The following SIK3 variants were observed in gnomAD, a reference collection of about 807,000 sequenced individuals.
SIK3 encodes SIK family kinase 3, also known as serine/threonine-protein kinase SIK3.
Under a neutral mutation model 144.2 loss-of-function variants are expected in SIK3, and 28 were observed. The ratio of observed to expected loss-of-function variants is 0.19; its 90% CI spans 0.14 to 0.27. The LOEUF is 0.27. Among genes scored for constraint, SIK3 ranks in the 10% least tolerant of loss-of-function variants. The probability of loss-of-function intolerance (pLI) is 1.00; values close to 1 mark genes in which losing one functional copy is unlikely to be tolerated. For missense variants in SIK3, 1,319 were observed against 1,776.0 expected, an observed-to-expected ratio of 0.74 and a Z score of 4.62; for synonymous variants, 686 against 676.3, an observed-to-expected ratio of 1.01 and a Z score of -0.22.
At chr11:117,032,850 T>C (rs1195658722) in intron 1 of SIK3, among the ~76,000 whole-genome samples, 1 of 152,100 alleles carries the variant, frequency 6.6e-6, no homozygotes, top group African/African-American at 2.4e-5. Flanking sequence ...TTTCAAACAA[T>C]AGGCTATATA....
intron 1 of SIK3, among the ~76,000 whole-genome samples, chr11:116,997,385 A>C (rs1950705023): frequency 6.6e-6 from 1 of 152,240 alleles, no homozygotes; most frequent in African/African-American, 2.4e-5. Context: ...ATGTGTAGTA[A>C]TCATTCATTC....
intron 1 of SIK3, among the ~76,000 whole-genome samples, chr11:117,018,184 T>C (rs1368426378): frequency 1.3e-5 from 2 of 152,142 alleles, no homozygotes; most frequent in African/African-American, 4.8e-5. Context: ...GAAGGACCCC[T>C]GAGTACACCA....
intron 1 of SIK3, among the ~76,000 whole-genome samples, chr11:116,961,499 A>C (rs1949346595): frequency 6.6e-6 from 1 of 152,232 alleles, no homozygotes; most frequent in African/African-American, 2.4e-5. Context: ...TGTAAAGTAC[A>C]CACCAGTTGC....
At chr11:116,972,526 C>T (rs1949799524) in intron 1 of SIK3, among the ~76,000 whole-genome samples, 1 of 152,062 alleles carries the variant, frequency 6.6e-6, no homozygotes, top group Non-Finnish European at 1.5e-5. Flanking sequence ...ACCTTGTACC[C>T]AATATTTTTA....
At position 117,066,844 on chromosome 11, in the gene SIK3, T is replaced by C. The variant is rs537274492; in HGVS notation, c.273+31299A>G. On this transcript the variant is annotated intron_variant, in intron 1 of 24. Transcript: ENST00000445177. ...TGAGCCACTGTGCCCGGTCAGCCCA[T>C]TTCTTTTAATGAGCAAAAGATCTGA... is the stretch of plus-strand genomic sequence containing the variant. Among the ~76,000 whole-genome samples the C allele has an allele frequency of 4.6e-5, 7 of 152,302 alleles. No homozygotes were observed. In the South Asian group the frequency reaches 1.5e-3, roughly 32 times the overall value.
At chr11:117,096,503 C>T (rs1344715690) in intron 1 of SIK3, among the ~76,000 whole-genome samples, 3 of 152,278 alleles carry the variant, frequency 2.0e-5, no homozygotes, top group East Asian at 1.9e-4. Flanking sequence ...GCTGGGGTGG[C>T]AAGTGAGGAG....
chr11:116,855,282 T>C (rs1942814852), intron 21 of SIK3: 1 of 152,132 alleles, frequency 6.6e-6, no homozygotes. Flanking sequence ...CTCTTGCTTC[T>C]CCTCTAGATC....
At chr11:117,006,708 TGG>T (rs1951062604) in intron 1 of SIK3, among the ~76,000 whole-genome samples, 1 of 151,678 alleles carries the variant, frequency 6.6e-6, no homozygotes, top group Non-Finnish European at 1.5e-5. Flanking sequence ...AAGGAAAGCA[TGG>T]GGGTAGGAGG....
intron 1 of SIK3, among the ~76,000 whole-genome samples, chr11:117,001,875 A>C (rs1950864937): frequency 6.6e-6 from 1 of 152,208 alleles, no homozygotes; most frequent in African/African-American, 2.4e-5. Context: ...TGAATTAACA[A>C]AAGCAAACTT....
intron 5 of SIK3, among the ~76,000 whole-genome samples, chr11:116,896,705 C>T (rs922606473): frequency 6.6e-6 from 1 of 152,130 alleles, no homozygotes; most frequent in African/African-American, 2.4e-5. Context: ...GTGGCTCAGT[C>T]CACAAGGTAA....
intron 1 of SIK3, among the ~76,000 whole-genome samples, chr11:117,033,702 T>A (rs1347224153): frequency 3.8e-5 from 4 of 104,902 alleles, no homozygotes; most frequent in Admixed American, 2.5e-4. Flanking sequence ...AGAGCGAGAC[T>A]CCGTCTAAAA....
At chr11:116,903,402 C>T (rs1343020959) in intron 4 of SIK3, among the ~76,000 whole-genome samples, 1 of 152,110 alleles carries the variant, frequency 6.6e-6, no homozygotes, top group East Asian at 1.9e-4. Context: ...AGACATGGAA[C>T]AGAATCACTA....
intron 4 of SIK3, among the ~76,000 whole-genome samples, chr11:116,925,031 AG>A (rs1198896813): frequency 6.6e-6 from 1 of 152,202 alleles, no homozygotes; most frequent in Non-Finnish European, 1.5e-5. Flanking sequence ...GGTGGCTCCC[AG>A]CACTTTGGGA....
intron 18 of SIK3, 152 bp downstream of exon 18, chr11:116,861,689 G>C: frequency 1.6e-6 from 1 of 634,280 alleles, no homozygotes; most frequent in Non-Finnish European, 2.7e-6. Flanking sequence ...GGGATTTCAA[G>C]AAGGCTCCTG....
At position 116,858,774 on chromosome 11, in the gene SIK3, A is replaced by C. The variant is rs1367046023; in HGVS notation, c.2766-75T>G. 4.6e-6 allele frequency: 7 copies of C among 1,507,558 alleles called. No individual in the cohort carries two copies. Among genetic ancestry groups the C allele is most frequent in the Non-Finnish European group, 5.3e-6 (6 of 1,129,450 alleles). The allele number at this position is 1,507,558 out of a possible 1,614,324, so 93.4% of individuals were successfully genotyped here. A position where few individuals can be genotyped will look rare whatever the true frequency, so the allele number is the denominator to read the frequency against. On this transcript the variant is annotated intron_variant, in intron 20 of 24. Coordinates refer to ENST00000445177, the MANE Select transcript of SIK3 (RefSeq NM_001366686.3). The surrounding 1 kb of genome is among the most constrained non-coding windows in gnomAD (Gnocchi z 5.4). The stretch of plus-strand genomic sequence containing the variant: ...TTCCTGGGAACAGCTCCTCCTCCTC[A>C]GTAGGGAGAACCCACTGGTACAGAG...
At chr11:116,924,703 C>A (rs1470773969) in intron 4 of SIK3, among the ~76,000 whole-genome samples, 1 of 152,190 alleles carries the variant, frequency 6.6e-6, no homozygotes, top group Non-Finnish European at 1.5e-5. Context: ...CCCACCCCAA[C>A]TACACCCAAG....
At chr11:117,027,960 A>G (rs968893199) in intron 1 of SIK3, among the ~76,000 whole-genome samples, 1 of 152,240 alleles carries the variant, frequency 6.6e-6, no homozygotes, top group African/African-American at 2.4e-5. Context: ...ACTTCGTTCA[A>G]GACAATGCAT....
intron 1 of SIK3, among the ~76,000 whole-genome samples, chr11:117,048,144 T>C (rs1030279138): frequency 6.6e-6 from 1 of 152,226 alleles, no homozygotes; most frequent in African/African-American, 2.4e-5. Flanking sequence ...TGACCATCTA[T>C]ACTTCATCTT....
At chr11:117,090,155 AG>A (rs1274520789) in intron 1 of SIK3, among the ~76,000 whole-genome samples, 1 of 152,226 alleles carries the variant, frequency 6.6e-6, no homozygotes, top group African/African-American at 2.4e-5. Flanking sequence ...TTAGGATAAA[AG>A]CCCATTTGAA....
Sources: gnomAD v4.1 joint callset for allele counts (sites outside exome capture counted in the v4.1 genomes callset) on GRCh38, gnomAD v4.1.1 for gene constraint, Gnocchi (gnomAD v3.1) non-coding constraint, MANE v1.5 for transcripts, NCBI Gene and HGNC (gene_info 2026-07-23, HGNC 2026-07-21) for gene names.